Variants in MMD2 observed in about 807,000 individuals in gnomAD.
The protein encoded by MMD2 is monocyte to macrophage differentiation associated 2.
A neutral mutation model predicts 33.5 loss-of-function variants in MMD2; 30 were observed. The ratio of observed to expected loss-of-function variants is 0.90; its 90% CI spans 0.67 to 1.22. The LOEUF (loss-of-function observed/expected upper bound fraction) is 1.22, where lower values mean the gene tolerates loss of function less well. Ranked by LOEUF, MMD2 falls within the 50% of genes most tolerant of loss-of-function variation. The pLI is 0.00. For missense variants in MMD2, 364 were observed against 325.4 expected (o/e 1.12, Z -0.91); for synonymous variants, 129 against 123.0 (o/e 1.05, Z -0.32).
At chr7:4,913,958 G>A (rs749591508) in intron 4 of MMD2, among the ~76,000 whole-genome samples, 12 of 151,960 alleles carry the variant, frequency 7.9e-5, no homozygotes, top group East Asian at 3.9e-4. Context: ...ACTGCGCCTG[G>A]CAGGTGGATT....
intron 1 of MMD2, among the ~76,000 whole-genome samples, chr7:4,947,942 C>T (rs182622209): frequency 1.1e-3 from 162 of 152,172 alleles, no homozygotes; most frequent in Non-Finnish European, 1.7e-3. Context: ...TGGTGATCCA[C>T]CCACCTCAGC....
At chr7:4,949,207 C>A (rs80034592) in intron 1 of MMD2, among the ~76,000 whole-genome samples, 9,575 of 152,078 alleles carry the variant, frequency 0.063, 373 homozygotes, top group East Asian at 0.1. Context: ...GAGACTCTGT[C>A]TCAAAAAATT....
chr7:4,919,628 G>A (rs1374896681), intron 3 of MMD2, among the ~76,000 whole-genome samples: 2 of 152,090 alleles, frequency 1.3e-5, no homozygotes, highest in Non-Finnish European at 2.9e-5. Flanking sequence ...GCTCACACCT[G>A]TAATCCCAAC....
intron 2 of MMD2, among the ~76,000 whole-genome samples, chr7:4,921,503 C>T (rs1483305995): frequency 6.6e-6 from 1 of 151,712 alleles, no homozygotes; most frequent in South Asian, 2.1e-4. Context: ...CACCTGTAAT[C>T]CCAGCTACTC....
chr7:4,938,642 G>C (rs959150870), intron 1 of MMD2, among the ~76,000 whole-genome samples: 2 of 152,062 alleles, frequency 1.3e-5, no homozygotes, highest in African/African-American at 2.4e-5. Context: ...TCGAAACACA[G>C]CAAGGGGCAA....
At chr7:4,927,040 G>A (rs1010325262) in intron 1 of MMD2, among the ~76,000 whole-genome samples, 2 of 151,930 alleles carry the variant, frequency 1.3e-5, no homozygotes, top group African/African-American at 4.8e-5. Flanking sequence ...CACCGCGCCC[G>A]GCCAAGCAAC....
intron 1 of MMD2, among the ~76,000 whole-genome samples, chr7:4,954,890 C>A (rs1038949147): frequency 1.3e-5 from 2 of 152,148 alleles, no homozygotes; most frequent in African/African-American, 4.8e-5. Context: ...CTAAAAGTGT[C>A]TTTTCTGTAT....
Position 4,944,804 on chromosome 7 carries a change from G to A in MMD2, c.47+14167C>T, listed in dbSNP as rs552587271. On this transcript the variant is annotated intron_variant, in intron 1 of 6. Coordinates refer to ENST00000401401, the MANE Select transcript of MMD2 (RefSeq NM_198403.4). ...TTTTTTTGAGACAGAGTCTTGCTTT[G>A]TCGCCTAGGCTGGAGTGAAGTGGCA... Among the ~76,000 whole-genome samples, 290 of 74,154 alleles carry A rather than the reference G, an allele frequency of 3.9e-3. 5 individuals carry two copies. Among genetic ancestry groups the A allele is most frequent in the African/African-American group, 0.015 (282 of 18,988 alleles). The allele number at this position is 74,154 out of a possible 152,430, so 48.6% of individuals were successfully genotyped here.
intron 1 of MMD2, among the ~76,000 whole-genome samples, chr7:4,928,206 T>C (rs1027239336): frequency 2.6e-5 from 4 of 152,190 alleles, no homozygotes; most frequent in African/African-American, 9.7e-5. Flanking sequence ...GATGGTTACT[T>C]TGTAGACTGC....
intron 1 of MMD2, among the ~76,000 whole-genome samples, chr7:4,926,245 A>G (rs930020231): frequency 2.0e-5 from 3 of 151,784 alleles, no homozygotes; most frequent in African/African-American, 7.3e-5. Context: ...CTACAGGCAC[A>G]ATCTACCATG....
At chr7:4,926,172 A>C (rs1351857458) in intron 1 of MMD2, among the ~76,000 whole-genome samples, 1 of 151,248 alleles carries the variant, frequency 6.6e-6, no homozygotes, top group African/African-American at 2.4e-5. Flanking sequence ...ATCATGGCTC[A>C]CTGCTGCCTC....
At chr7:4,936,557 C>T (rs1785746814) in intron 1 of MMD2, among the ~76,000 whole-genome samples, 1 of 151,862 alleles carries the variant, frequency 6.6e-6, no homozygotes, top group African/African-American at 2.4e-5. Context: ...ATTTTTATTT[C>T]ATTACTAATT....
chr7:4,933,742 C>A (rs1785659256), intron 1 of MMD2, among the ~76,000 whole-genome samples: 1 of 151,986 alleles, frequency 6.6e-6, no homozygotes, highest in African/African-American at 2.4e-5. Context: ...AATCATTCCT[C>A]CTGCCTCAGC....
the MMD2 span, among the ~76,000 whole-genome samples, chr7:4,897,219 G>A: frequency 8.4e-6 from 1 of 119,738 alleles, no homozygotes; most frequent in Non-Finnish European, 1.7e-5. Context: ...ATTGGCAGGT[G>A]TTATATTTAA....
At chr7:4,938,304 C>T (rs532893683) in intron 1 of MMD2, among the ~76,000 whole-genome samples, 9 of 152,138 alleles carry the variant, frequency 5.9e-5, no homozygotes, top group East Asian at 5.8e-4. Flanking sequence ...CCACCACGCC[C>T]GGCCCAACAA....
At chr7:4,900,727 A>G in the MMD2 span, among the ~76,000 whole-genome samples, 2 of 151,820 alleles carry the variant, frequency 1.3e-5, no homozygotes, top group African/African-American at 2.4e-5. Context: ...CACAACCCAT[A>G]TCCCCTCTTC....
At chr7:4,913,346 A>AACTTCAAACAAATGTTTCTTC (rs1785061951) in intron 4 of MMD2, among the ~76,000 whole-genome samples, 1 of 152,190 alleles carries the variant, frequency 6.6e-6, no homozygotes. Context: ...AATTTTGCTG[A>AACTTCAAACAAATGTTTCTTC]ACTTCAAACA....
At chr7:4,916,214 C>A (rs1785138790) in intron 3 of MMD2, 135 bp from the exon 4 acceptor site, 1 of 707,594 alleles carries the variant, frequency 1.4e-6, no homozygotes, top group Admixed American at 2.7e-5. Context: ...AGCCAAGACC[C>A]CTTGGCCCTC....
In MMD2 at chr7:4,907,299, A is replaced by G; in HGVS notation, c.*97T>C. 1 of 1,231,134 alleles carries G rather than the reference A, an allele frequency of 8.1e-7. No homozygotes were observed. The highest frequency in any genetic ancestry group is 1.2e-6 in the Non-Finnish European group (1 of 848,402). The allele number at this position is 1,231,134 out of a possible 1,614,324, so 76.3% of individuals were successfully genotyped here. A position where few individuals can be genotyped will look rare whatever the true frequency, so the allele number is the denominator to read the frequency against. Reference sequence around the variant, plus strand: ...GGAGCCATCAAGAACTCTACCCAATAAAGGGAAGACAGGCCTTGGCGCTGT... The same window carrying G: ...GGAGCCATCAAGAACTCTACCCAATGAAGGGAAGACAGGCCTTGGCGCTGT... On this transcript the variant is annotated 3_prime_UTR_variant, in exon 7 of 7. Coordinates refer to ENST00000401401, the MANE Select transcript of MMD2 (RefSeq NM_198403.4).
Sources: allele counts gnomAD v4.1 joint callset (sites outside exome capture counted in the v4.1 genomes callset), GRCh38; gene constraint gnomAD v4.1.1; transcripts MANE v1.5; gene names NCBI Gene and HGNC (gene_info 2026-07-23, HGNC 2026-07-21).